SHANK2: variants seen among roughly 807,000 people sequenced by gnomAD.
SHANK2 encodes the protein SH3 and multiple ankyrin repeat domains 2.
SHANK2 carries 43 observed loss-of-function variants against 133.7 expected under a neutral mutation model. The observed-to-expected ratio is 0.32, with a 90% CI of 0.25 to 0.41. The LOEUF (loss-of-function observed/expected upper bound fraction) is 0.41. Among genes scored for constraint, SHANK2 ranks in the 10% least tolerant of loss-of-function variants. SHANK2 has a pLI of 1.00. For missense variants in SHANK2, 1,994 were observed against 2,235.8 expected (o/e 0.89, Z 2.18); for synonymous variants, 1,017 against 952.8 (o/e 1.07, Z -1.24).
chr11:70,895,752 T>A (rs1200668653), intron 11 of SHANK2, among the ~76,000 whole-genome samples: 2 of 152,088 alleles, frequency 1.3e-5, no homozygotes, highest in Admixed American at 1.3e-4. Flanking sequence ...TGCAAATTAA[T>A]TTGTTTCAGC....
intron 10 of SHANK2, among the ~76,000 whole-genome samples, chr11:70,920,284 G>A (rs1171356674): frequency 2.0e-5 from 3 of 152,100 alleles, no homozygotes; most frequent in Non-Finnish European, 4.4e-5. Context: ...TGTAGAGATG[G>A]GATCTTGCTA....
At chr11:70,743,819 G>T (rs1235413597) in intron 14 of SHANK2, among the ~76,000 whole-genome samples, 3 of 152,110 alleles carry the variant, frequency 2.0e-5, no homozygotes, top group African/African-American at 7.2e-5. Context: ...GCTCCAAAAC[G>T]TCTTTCTTTC....
chr11:70,658,470 C>A (rs1158483093), intron 17 of SHANK2, among the ~76,000 whole-genome samples: 2 of 152,212 alleles, frequency 1.3e-5, no homozygotes, highest in African/African-American at 4.8e-5. Context: ...ACAGTTTCAA[C>A]ACACAAGAAC....
At chr11:70,681,251 C>G (rs190005774) in intron 15 of SHANK2, among the ~76,000 whole-genome samples, 2 of 152,188 alleles carry the variant, frequency 1.3e-5, no homozygotes, top group Admixed American at 6.5e-5. Context: ...CAAAGTCTGA[C>G]GGCGGAAACC....
At chr11:70,852,952 C>T (rs1949111030) in intron 11 of SHANK2, among the ~76,000 whole-genome samples, 1 of 152,198 alleles carries the variant, frequency 6.6e-6, no homozygotes, top group African/African-American at 2.4e-5. Context: ...TCACTGTCAG[C>T]CAGAGGAAGG....
chr11:70,505,995 G>T (rs953543816), intron 17 of SHANK2, among the ~76,000 whole-genome samples: 1 of 152,212 alleles, frequency 6.6e-6, no homozygotes, highest in East Asian at 1.9e-4. Flanking sequence ...TTGTTCCTGT[G>T]CCTTGGAAGG....
chr11:71,227,121 C>G (rs1954655633), intron 1 of SHANK2, among the ~76,000 whole-genome samples: 1 of 151,970 alleles, frequency 6.6e-6, no homozygotes, highest in Admixed American at 6.6e-5. Flanking sequence ...ACAGATGAAT[C>G]AAAATGGAAC....
rs982204867 is a variant in SHANK2, at chr11:70,907,908, T to C, written c.1108-11341A>G. 1.1e-5 allele frequency: 5 copies of C among 453,386 alleles called. No homozygotes were observed. The East Asian group carries it at 3.5e-4, about 32-fold the overall frequency. The allele number at this position is 453,386 out of a possible 1,614,324, so 28.1% of individuals were successfully genotyped here. A position where few individuals can be genotyped will look rare whatever the true frequency, so the allele number is the denominator to read the frequency against. ...CTTAAGGTCAAGAGTTCGAGACCAG[T>C]CTGGCCAACATAGCAAAACCCATCT... On this transcript the variant is annotated intron_variant, in intron 10 of 25. Coordinates refer to ENST00000601538, the MANE Select transcript of SHANK2 (RefSeq NM_012309.5).
chr11:70,638,910 G>A (rs958421892), intron 17 of SHANK2, among the ~76,000 whole-genome samples: 9 of 152,124 alleles, frequency 5.9e-5, no homozygotes, highest in Admixed American at 2.0e-4. Context: ...GGCAGGAGAA[G>A]CATTTGAACA....
intron 17 of SHANK2, among the ~76,000 whole-genome samples, chr11:70,507,916 C>T (rs972837366): frequency 2.6e-5 from 4 of 152,224 alleles, no homozygotes; most frequent in Admixed American, 6.5e-5. Flanking sequence ...CCCGCAAGAG[C>T]GGGGCTTGTG....
intron 9 of SHANK2, among the ~76,000 whole-genome samples, chr11:71,073,422 T>G (rs1015456369): frequency 1.3e-5 from 2 of 151,646 alleles, no homozygotes; most frequent in African/African-American, 2.4e-5. Context: ...CCTCCCAAAG[T>G]GCTGGGCTTA....
intron 14 of SHANK2, among the ~76,000 whole-genome samples, chr11:70,700,551 G>T (rs986014454): frequency 6.6e-6 from 1 of 152,172 alleles, no homozygotes; most frequent in Non-Finnish European, 1.5e-5. Context: ...GCCAGCACCG[G>T]TCCAGCCAAG....
intron 3 of SHANK2, among the ~76,000 whole-genome samples, chr11:71,124,103 C>CATGATGGTG (rs1243217846): frequency 2.0e-5 from 2 of 99,390 alleles, no homozygotes; most frequent in African/African-American, 7.8e-5. Context: ...TGATAGTGAT[C>CATGATGGTG]ATGATGGTGA....
chr11:71,158,831 AAG>A (rs1236076129), intron 2 of SHANK2, among the ~76,000 whole-genome samples: 13 of 152,212 alleles, frequency 8.5e-5, no homozygotes, highest in African/African-American at 2.9e-4. Flanking sequence ...TGTTGGGGGA[AAG>A]AGAAGAATTA....
chr11:70,682,224 G>A (rs1329159530), intron 15 of SHANK2, among the ~76,000 whole-genome samples: 1 of 152,168 alleles, frequency 6.6e-6, no homozygotes, highest in African/African-American at 2.4e-5. Context: ...GCCATCTCCA[G>A]GGGACATGCT....
intron 11 of SHANK2, among the ~76,000 whole-genome samples, chr11:70,851,888 C>G (rs1949092024): frequency 2.0e-5 from 3 of 152,200 alleles, no homozygotes. Flanking sequence ...TCCCGGCCCC[C>G]AGGCTGGTAA....
intron 1 of SHANK2, among the ~76,000 whole-genome samples, chr11:71,231,515 T>C (rs1555122951): frequency 6.6e-6 from 1 of 152,190 alleles, no homozygotes; most frequent in African/African-American, 2.4e-5. Context: ...AGTGTAGCAG[T>C]TCCTTAAAAA....
intron 14 of SHANK2, among the ~76,000 whole-genome samples, chr11:70,714,540 T>A (rs1193343829): frequency 6.6e-6 from 1 of 152,216 alleles, no homozygotes; most frequent in Non-Finnish European, 1.5e-5. Context: ...CAGCAACTGA[T>A]GGAGCTGGTG....
intron 14 of SHANK2, among the ~76,000 whole-genome samples, chr11:70,725,614 G>T (rs571248429): frequency 5.3e-5 from 8 of 152,162 alleles, no homozygotes; most frequent in Admixed American, 2.0e-4. Flanking sequence ...CCCCAATACC[G>T]CACGATCCCA....
Sources: gnomAD v4.1 joint callset for allele counts (sites outside exome capture counted in the v4.1 genomes callset) on GRCh38, gnomAD v4.1.1 for gene constraint, MANE v1.5 for transcripts, NCBI Gene and HGNC (gene_info 2026-07-23, HGNC 2026-07-21) for gene names.